The following ZGLP1 variants were observed in gnomAD, a reference collection of about 807,000 sequenced individuals.
ZGLP1 encodes zinc finger GATA like protein 1.
Under a neutral mutation model 21.4 loss-of-function variants are expected in ZGLP1, and 11 were observed. The ratio of observed to expected loss-of-function variants is 0.51; its 90% confidence interval spans 0.32 to 0.85. The LOEUF is 0.85. ZGLP1 is among the 40% of genes least tolerant of loss of function. The probability of loss-of-function intolerance (pLI) is 0.03; values close to 1 mark genes in which losing one functional copy is unlikely to be tolerated. For missense variants in ZGLP1, 295 were observed against 355.6 expected (o/e 0.83, Z 1.37); for synonymous variants, 148 against 145.0 (o/e 1.02, Z -0.15).
rs1018087749 is a variant in ZGLP1 at position 10,308,075 on chromosome 19, T to C, written c.497+110A>G. 15 of 1,430,456 alleles carry C rather than the reference T, an allele frequency of 1.0e-5. No homozygotes were observed. The African/African-American group carries it at 1.7e-4, about 16-fold the overall frequency. 88.6% of individuals were successfully genotyped at this position (1,430,456 alleles called of 1,614,324 possible). On this transcript the variant is annotated intron_variant, in intron 1 of 3. Coordinates refer to ENST00000403903, the Ensembl canonical transcript of ZGLP1. ...ACCAGAGACTGGGCCACGTGTAACG[T>C]AGAGCACAGGTGAGGGTCCACACCG...
rs2040272270 is a variant in ZGLP1 at position 10,305,175 on chromosome 19, G to A, written c.732C>T (p.Cys244=). ...GGACATTTTTCCTGGGCACCAGCCAGCAGCTGGAGCAGCGAGTGCCGTATT... is the reference window on the plus strand; with the variant it reads ...GGACATTTTTCCTGGGCACCAGCCAACAGCTGGAGCAGCGAGTGCCGTATT... Residue 244 remains cysteine (C), a synonymous_variant, in exon 4 of 4, where the codon TGC becomes TGT. Transcript: ENST00000403903. The surrounding 1 kb of genome is among the most constrained non-coding windows in gnomAD (Gnocchi z 4.7). 6 of 1,614,020 alleles carry A rather than the reference G, an allele frequency of 3.7e-6. No homozygotes were observed. Among genetic ancestry groups the A allele is most frequent in the South Asian group, 1.1e-5 (1 of 91,086 alleles).
At chr19:10,307,004 G>C (rs2040283062) in intron 1 of ZGLP1, among the ~76,000 whole-genome samples, 1 of 151,776 alleles carries the variant, frequency 6.6e-6, no homozygotes, top group Non-Finnish European at 1.5e-5. Flanking sequence ...CGTGGTAGCA[G>C]GCACCTGTAA....
At position 10,305,944 on chromosome 19, in the gene ZGLP1, C is replaced by T; in HGVS notation, c.506G>A (p.Cys169Tyr). 3 of 1,558,634 alleles carry T rather than the reference C, an allele frequency of 1.9e-6. No homozygotes were observed. The highest frequency in any genetic ancestry group is 2.6e-6 in the Non-Finnish European group (3 of 1,150,054). ...AGGGGATTCCTGAGAACGGCTACTG[C>T]AGGGCAGGCTGTGGGGCAGACAAGG... The change falls in exon 2 of 4, where the codon TGC (cysteine) becomes TAC (tyrosine). Residue 169 changes from cysteine to tyrosine, a missense_variant. Cys to Tyr is a radical substitution (Grantham distance 194). This residue lies in a region of ZGLP1 where 252 missense variants were observed against 264.0 expected (regional missense o/e 0.95). Transcript: ENST00000403903. This position sits in a 1 kb window ranked among gnomAD's most constrained non-coding sequence, Gnocchi z 4.7.
At chr19:10,306,864 C>T (rs979649336) in intron 1 of ZGLP1, among the ~76,000 whole-genome samples, 2 of 151,882 alleles carry the variant, frequency 1.3e-5, no homozygotes, top group Admixed American at 6.6e-5. Flanking sequence ...GGCATGGTGG[C>T]GGCTCACTCC....
exon 1 of ZGLP1, chr19:10,309,634 T>G (rs1287429904): frequency 2.0e-5 from 3 of 152,460 alleles, no homozygotes; most frequent in Non-Finnish European, 4.4e-5. Flanking sequence ...GCGACCAGCC[T>G]CGGCGGCACC....
rs1223748556 is a variant in ZGLP1 at position 10,305,807 on chromosome 19, C to T, written c.604+39G>A. On this transcript the variant is annotated intron_variant, in intron 2 of 3. Coordinates refer to ENST00000403903, the Ensembl canonical transcript of ZGLP1. This position sits in a 1 kb window ranked among gnomAD's most constrained non-coding sequence, Gnocchi z 4.7. ...AAGGCAGGGAAGACAGGAAATTGGCCCCCAAAATATTTATAGCTCTTGGGT... is the reference window on the plus strand; with the variant it reads ...AAGGCAGGGAAGACAGGAAATTGGCTCCCAAAATATTTATAGCTCTTGGGT... 2.0e-6 allele frequency: 3 copies of T among 1,473,370 alleles called. No homozygotes were observed. Among genetic ancestry groups the T allele is most frequent in the African/African-American group, 1.4e-5 (1 of 71,388 alleles). The allele number at this position is 1,473,370 out of a possible 1,614,324, so 91.3% of individuals were successfully genotyped here.
exon 1 of ZGLP1, chr19:10,308,648 G>T (rs776601048): frequency 6.6e-7 from 1 of 1,517,626 alleles, no homozygotes; most frequent in South Asian, 1.3e-5. Flanking sequence ...TGTACCCTTG[G>T]ACAGGCTACA....
In ZGLP1 at chr19:10,305,797, G is replaced by C; in HGVS notation, c.604+49C>G. ...GGCAGGGAGAAAGGCAGGGAAGACA[G>C]GAAATTGGCCCCCAAAATATTTATA... On this transcript the variant is annotated intron_variant, in intron 2 of 3. Coordinates refer to ENST00000403903, the Ensembl canonical transcript of ZGLP1. The surrounding 1 kb of genome is among the most constrained non-coding windows in gnomAD (Gnocchi z 4.7). 7.0e-7 allele frequency: 1 copy of C among 1,430,534 alleles called. No individual in the cohort carries two copies. The highest frequency in any genetic ancestry group is 1.7e-4 in the Middle Eastern group (1 of 5,782). The allele number at this position is 1,430,534 out of a possible 1,614,324, so 88.6% of individuals were successfully genotyped here.
At position 10,305,016 on chromosome 19, in the gene ZGLP1, G is replaced by A; in HGVS notation, c.*75C>T. The A allele has an allele frequency of 1.7e-6, 2 of 1,174,574 alleles. No homozygotes were observed. The highest frequency in any genetic ancestry group is 2.5e-6 in the Non-Finnish European group (2 of 790,688). 72.8% of individuals were successfully genotyped at this position (1,174,574 alleles called of 1,614,324 possible). A position where few individuals can be genotyped will look rare whatever the true frequency, so the allele number is the denominator to read the frequency against. Reference sequence around the variant, plus strand: ...GCCGGCTCTTTCCCCAATCCTCCTAGGAGAGCTGCTTCTGCCCATTCTCCC... The same window carrying A: ...GCCGGCTCTTTCCCCAATCCTCCTAAGAGAGCTGCTTCTGCCCATTCTCCC... On this transcript the variant is annotated 3_prime_UTR_variant, in exon 4 of 4. Coordinates refer to ENST00000403903, the Ensembl canonical transcript of ZGLP1. The surrounding 1 kb of genome is among the most constrained non-coding windows in gnomAD (Gnocchi z 4.7).
chr19:10,307,744 G>A (rs1332390037), intron 1 of ZGLP1, among the ~76,000 whole-genome samples: 2 of 152,134 alleles, frequency 1.3e-5, no homozygotes, highest in African/African-American at 4.8e-5. Flanking sequence ...TCAAACTCCT[G>A]ACTTCAGGTG....
chr19:10,305,667 G>T lies in ZGLP1; in HGVS notation c.604+179C>A, dbSNP rs757380016. On this transcript the variant is annotated intron_variant, in intron 2 of 3. Transcript: ENST00000403903. The surrounding 1 kb of genome is among the most constrained non-coding windows in gnomAD (Gnocchi z 4.7). ...GAAGGGAGACAGATGGCAGCATTCC[G>T]CAGAGGAGGAAGCTGGGGGTGGGGG... 1.4e-6 allele frequency: 1 copy of T among 740,562 alleles called. No homozygotes were observed. The highest frequency in any genetic ancestry group is 2.3e-6 in the Non-Finnish European group (1 of 438,740). The allele number at this position is 740,562 out of a possible 1,614,324, so 45.9% of individuals were successfully genotyped here.
chr19:10,305,497 G>A lies in ZGLP1; in HGVS notation c.605-14C>T, dbSNP rs1352819532. ...AGCGCCGGGGCTCTGAAGGGTCAGA[G>A]GTCAAAGGGCAGGGGTCAGAGGCCA... On this transcript the variant is annotated splice_polypyrimidine_tract_variant and intron_variant, in intron 2 of 3. Transcript: ENST00000403903. This position sits in a 1 kb window ranked among gnomAD's most constrained non-coding sequence, Gnocchi z 4.7. 1 of 1,585,022 alleles carries A rather than the reference G, an allele frequency of 6.3e-7. No individual in the cohort carries two copies. The highest frequency in any genetic ancestry group is 8.6e-7 in the Non-Finnish European group (1 of 1,165,584).
chr19:10,309,218 A>G (rs117120641), exon 1 of ZGLP1: 3 of 152,712 alleles, frequency 2.0e-5, no homozygotes, highest in East Asian at 3.8e-4. Flanking sequence ...ACCTCTTTGT[A>G]AGTTTCAGTA....
Position 10,305,921 on chromosome 19 carries a change from G to C in ZGLP1, c.529C>G (p.Pro177Ala). The change falls in exon 2 of 4, where the codon CCT becomes GCT. Residue 177 changes from proline (P) to alanine (A), a missense_variant. This residue lies in a region of ZGLP1 where 252 missense variants were observed against 264.0 expected (regional missense o/e 0.95). Coordinates refer to ENST00000403903, the Ensembl canonical transcript of ZGLP1. The surrounding 1 kb of genome is among the most constrained non-coding windows in gnomAD (Gnocchi z 4.7). ...GCAGGGCCCCCAACAGCATCTGCAGGGGATTCCTGAGAACGGCTACTGCAG... is the reference window on the plus strand; with the variant it reads ...GCAGGGCCCCCAACAGCATCTGCAGCGGATTCCTGAGAACGGCTACTGCAG... 6.4e-7 allele frequency: 1 copy of C among 1,565,266 alleles called. No homozygotes were observed. The highest frequency in any genetic ancestry group is 8.7e-7 in the Non-Finnish European group (1 of 1,153,530).
chr19:10,308,321 C>T (rs751815597), exon 1 of ZGLP1: 4 of 1,611,012 alleles, frequency 2.5e-6, no homozygotes, highest in Non-Finnish European at 3.4e-6. Flanking sequence ...TGGGGTGGGG[C>T]CGAGGGAGTC....
Position 10,305,959 on chromosome 19 carries a change from G to T in ZGLP1, c.498-7C>A. On this transcript the variant is annotated splice_region_variant and splice_polypyrimidine_tract_variant and intron_variant, in intron 1 of 3. Transcript: ENST00000403903. The surrounding 1 kb of genome is among the most constrained non-coding windows in gnomAD (Gnocchi z 4.7). ...ACGGCTACTGCAGGGCAGGCTGTGG[G>T]GCAGACAAGGTATTAGCACTGGGGG... is the stretch of plus-strand genomic sequence containing the variant. The T allele has an allele frequency of 6.4e-7, 1 of 1,550,654 alleles. No individual in the cohort carries two copies. The highest frequency in any genetic ancestry group is 8.7e-7 in the Non-Finnish European group (1 of 1,145,076).
At chr19:10,308,677 G>C (rs765967602) in exon 1 of ZGLP1, 2 of 1,493,988 alleles carry the variant, frequency 1.3e-6, no homozygotes, top group Non-Finnish European at 1.8e-6. Context: ...CTGAGGTTCA[G>C]TCATTTCTAA....
In ZGLP1 at chr19:10,305,691, G is replaced by A. The variant is rs544719270; in HGVS notation, c.604+155C>T. 5 of 751,818 alleles carry A rather than the reference G, an allele frequency of 6.7e-6. No homozygotes were observed. Among genetic ancestry groups the A allele is most frequent in the South Asian group, 4.9e-5 (3 of 61,446 alleles). 46.6% of individuals were successfully genotyped at this position (751,818 alleles called of 1,614,324 possible). A position where few individuals can be genotyped will look rare whatever the true frequency, so the allele number is the denominator to read the frequency against. ...CGCAGAGGAGGAAGCTGGGGGTGGG[G>A]GTGACTCAGCCCAAGTGGAGGGGGG... On this transcript the variant is annotated intron_variant, in intron 2 of 3. Coordinates refer to ENST00000403903, the Ensembl canonical transcript of ZGLP1. This position sits in a 1 kb window ranked among gnomAD's most constrained non-coding sequence, Gnocchi z 4.7.
At position 10,305,728 on chromosome 19, in the gene ZGLP1, C is replaced by A; in HGVS notation, c.604+118G>T. 1.1e-6 allele frequency: 1 copy of A among 886,334 alleles called. No homozygotes were observed. The highest frequency in any genetic ancestry group is 1.4e-5 in the South Asian group (1 of 69,476). The allele number at this position is 886,334 out of a possible 1,614,324, so 54.9% of individuals were successfully genotyped here. On this transcript the variant is annotated intron_variant, in intron 2 of 3. Coordinates refer to ENST00000403903, the Ensembl canonical transcript of ZGLP1. The surrounding 1 kb of genome is among the most constrained non-coding windows in gnomAD (Gnocchi z 4.7). ...CAAGTGGAGGGGGGTGCTGCGACTC[C>A]TCCCTGAGGGCTCTAAATGGGGAAG... is the stretch of plus-strand genomic sequence containing the variant.
Sources: allele counts gnomAD v4.1 joint callset (sites outside exome capture counted in the v4.1 genomes callset), GRCh38; gene constraint gnomAD v4.1.1; regional missense constraint gnomAD v4.1.1; non-coding constraint Gnocchi (gnomAD v3.1); transcripts MANE v1.5; gene names NCBI Gene and HGNC (gene_info 2026-07-23, HGNC 2026-07-21).